RALGDS: variants seen among roughly 807,000 people sequenced by gnomAD.
RALGDS encodes ral guanine nucleotide exchange factor.
RALGDS carries 44 observed loss-of-function variants against 99.8 expected under a neutral mutation model. That is an observed-to-expected ratio of 0.44 (90% confidence interval 0.35 to 0.57). RALGDS has a LOEUF of 0.57. Among genes scored for constraint, RALGDS ranks in the 20% least tolerant of loss-of-function variants. The pLI is 0.01. For synonymous variants in RALGDS, 529 were observed against 505.0 expected (o/e 1.05, Z -0.64); for missense variants, 1,022 against 1,203.1 (o/e 0.85, Z 2.23).
chr9:133,136,130 G>A (rs1004977191), intron 1 of RALGDS, among the ~76,000 whole-genome samples: 4 of 152,116 alleles, frequency 2.6e-5, no homozygotes, highest in Admixed American at 2.0e-4. Flanking sequence ...AAGTGCCAGC[G>A]ATAGACCAGG....
At chr9:133,146,381 G>A (rs372355700) in intron 1 of RALGDS, among the ~76,000 whole-genome samples, 3 of 152,038 alleles carry the variant, frequency 2.0e-5, no homozygotes, top group South Asian at 2.1e-4. Context: ...TTGTAGAGAC[G>A]GGGTTTCACC....
chr9:133,116,248 C>T (rs61000878), intron 1 of RALGDS, among the ~76,000 whole-genome samples: 2 of 152,248 alleles, frequency 1.3e-5, no homozygotes, highest in African/African-American at 2.4e-5. Context: ...GAGGCCAGCC[C>T]GGGGTGTGGG....
At chr9:133,111,899 G>T in intron 2 of RALGDS, 143 bp downstream of exon 2, 1 of 690,178 alleles carries the variant, frequency 1.4e-6, no homozygotes, top group Non-Finnish European at 2.6e-6. Context: ...ATGAAAACCC[G>T]ATTAAGCCTG....
chr9:133,147,717 G>A (rs1588577010), intron 1 of RALGDS, among the ~76,000 whole-genome samples: 1 of 152,228 alleles, frequency 6.6e-6, no homozygotes, highest in East Asian at 1.9e-4. Context: ...AGCAGCAGCA[G>A]CCTCAGGCAG....
chr9:133,107,409 G>C, intron 6 of RALGDS, 109 bp from the exon 7 acceptor site: 1 of 1,022,456 alleles, frequency 9.8e-7, no homozygotes, highest in Non-Finnish European at 1.5e-6. Context: ...GTTTTATCCC[G>C]TGTCCATGCA....
chr9:133,143,771 T>TAATAATAACAACAACAACAACAAC, intron 1 of RALGDS, among the ~76,000 whole-genome samples: 1 of 111,608 alleles, frequency 9.0e-6, no homozygotes, highest in South Asian at 2.9e-4. Flanking sequence ...ATAATAATAA[T>TAATAATAACAACAACAACAACAAC]AACAACAACA....
At chr9:133,139,212 C>A (rs973691851) in intron 1 of RALGDS, among the ~76,000 whole-genome samples, 1 of 152,216 alleles carries the variant, frequency 6.6e-6, no homozygotes, top group Non-Finnish European at 1.5e-5. Context: ...AGCACACAGC[C>A]GCTGCCCCTG....
chr9:133,117,418 G>A (rs1831663292), intron 1 of RALGDS, among the ~76,000 whole-genome samples: 1 of 152,212 alleles, frequency 6.6e-6, no homozygotes, highest in Non-Finnish European at 1.5e-5. Context: ...CTCCAGGAAT[G>A]ACTACAGGGG....
At chr9:133,109,477 C>A in intron 4 of RALGDS, 149 bp downstream of exon 4, 1 of 784,106 alleles carries the variant, frequency 1.3e-6, no homozygotes, top group Non-Finnish European at 2.2e-6. Flanking sequence ...CAGGCGAAGC[C>A]CCCAGACCCC....
intron 16 of RALGDS, chr9:133,101,255 C>T: frequency 1.5e-6 from 2 of 1,343,820 alleles, no homozygotes; most frequent in African/African-American, 1.5e-5. Context: ...GTGGCCAGGC[C>T]CTGGATACTT....
At chr9:133,139,379 G>A (rs753136079) in intron 1 of RALGDS, among the ~76,000 whole-genome samples, 10 of 152,200 alleles carry the variant, frequency 6.6e-5, no homozygotes, top group Admixed American at 4.6e-4. Flanking sequence ...CCTGAAGAAC[G>A]GCAAGCGGCT....
At chr9:133,120,519 T>C (rs1206134186) in intron 1 of RALGDS, among the ~76,000 whole-genome samples, 1 of 147,636 alleles carries the variant, frequency 6.8e-6, no homozygotes, top group Non-Finnish European at 1.5e-5. Context: ...AAGGCCCCTA[T>C]GGTCTCATCA....
chr9:133,117,131 G>A (rs796928750), intron 1 of RALGDS, among the ~76,000 whole-genome samples: 37 of 152,330 alleles, frequency 2.4e-4, no homozygotes, highest in African/African-American at 7.5e-4. Context: ...GGGTCAGGCC[G>A]CTCCCCTGGC....
At chr9:133,132,013 T>C (rs563918614), upstream of RALGDS, among the ~76,000 whole-genome samples, 146 of 152,216 alleles carry the variant, frequency 9.6e-4, no homozygotes, top group African/African-American at 3.4e-3. Context: ...ATAACAGACA[T>C]TTGATCAATG....
In RALGDS at chr9:133,098,456, A is replaced by C; in HGVS notation, c.*131T>G. On this transcript the variant is annotated 3_prime_UTR_variant, in exon 18 of 18. Transcript: ENST00000372050. The stretch of plus-strand genomic sequence containing the variant: ...GGCAGGCGTCAATCCCAGCAGCGGG[A>C]GAGGTTCAGGATGAAACTGGAGTCT... 3.1e-6 allele frequency: 3 copies of C among 953,658 alleles called. No individual in the cohort carries two copies. Among genetic ancestry groups the C allele is most frequent in the Non-Finnish European group, 4.8e-6 (3 of 620,320 alleles). 59.1% of individuals were successfully genotyped at this position (953,658 alleles called of 1,614,324 possible).
intron 9 of RALGDS, among the ~76,000 whole-genome samples, chr9:133,105,487 G>T (rs1766340206): frequency 6.6e-6 from 1 of 152,144 alleles, no homozygotes; most frequent in South Asian, 2.1e-4. Flanking sequence ...TGCAGCTCCT[G>T]TCCCTGGGGT....
At chr9:133,106,969 G>T in intron 7 of RALGDS, 116 bp downstream of exon 7, 2 of 1,204,332 alleles carry the variant, frequency 1.7e-6, no homozygotes, top group Non-Finnish European at 2.4e-6. Flanking sequence ...GGAGAGTCAA[G>T]GCCAGCATGC....
intron 1 of RALGDS, among the ~76,000 whole-genome samples, chr9:133,126,961 C>T (rs558911489): frequency 4.1e-4 from 63 of 152,190 alleles, no homozygotes; most frequent in Non-Finnish European, 7.8e-4. Context: ...GTCTTGATCC[C>T]GCAAAGCCCC....
chr9:133,122,190 G>C (rs150511194), upstream of RALGDS, among the ~76,000 whole-genome samples: 613 of 152,346 alleles, frequency 4.0e-3, 6 homozygotes, highest in African/African-American at 0.014. Context: ...GCAGGGACAG[G>C]GACATCCTCA....
Sources: gnomAD v4.1 joint callset for allele counts (sites outside exome capture counted in the v4.1 genomes callset) on GRCh38, gnomAD v4.1.1 for gene constraint, MANE v1.5 for transcripts, NCBI Gene and HGNC (gene_info 2026-07-23, HGNC 2026-07-21) for gene names.